PGM5: variants seen among roughly 807,000 people sequenced by gnomAD.
PGM5 encodes the protein phosphoglucomutase-like protein 5.
Under a neutral mutation model 59.2 loss-of-function variants are expected in PGM5, and 23 were observed. That is an observed-to-expected ratio of 0.39 (90% CI 0.28 to 0.55). The LOEUF is 0.55. Ranked by LOEUF, PGM5 falls within the 20% of genes least tolerant of loss-of-function variation. The pLI, the probability that PGM5 is intolerant of heterozygous loss-of-function variation, is 0.66. For missense variants in PGM5, 574 were observed against 748.3 expected, an observed-to-expected ratio of 0.77 and a Z score of 2.72; for synonymous variants, 214 against 286.0, an observed-to-expected ratio of 0.75 and a Z score of 2.54.
chr9:68,482,979 G>T (rs543439306), intron 8 of PGM5, among the ~76,000 whole-genome samples: 1 of 152,104 alleles, frequency 6.6e-6, no homozygotes, highest in East Asian at 1.9e-4. Flanking sequence ...GGACTTTTTT[G>T]AATGGAACAA....
At chr9:68,483,699 A>T (rs1270185836) in intron 8 of PGM5, among the ~76,000 whole-genome samples, 166 bp from the exon 9 acceptor site, 1 of 152,196 alleles carries the variant, frequency 6.6e-6, no homozygotes, top group Non-Finnish European at 1.5e-5. Flanking sequence ...TGGCCGCTGT[A>T]TGGGGAATGG....
intron 1 of PGM5, among the ~76,000 whole-genome samples, chr9:68,374,137 A>G (rs1411271592): frequency 6.6e-6 from 1 of 152,288 alleles, no homozygotes; most frequent in Non-Finnish European, 1.5e-5. Flanking sequence ...CTGCTATCCC[A>G]GTCTGTCACC....
intron 6 of PGM5, among the ~76,000 whole-genome samples, chr9:68,412,445 C>T (rs1439351502): frequency 9.2e-5 from 14 of 152,234 alleles, no homozygotes; most frequent in Admixed American, 4.6e-4. Flanking sequence ...ATATTTCCTA[C>T]ATTCCCATTT....
At chr9:68,523,782 A>G (rs1283096191) in intron 10 of PGM5, among the ~76,000 whole-genome samples, 1 of 152,210 alleles carries the variant, frequency 6.6e-6, no homozygotes, top group Non-Finnish European at 1.5e-5. Flanking sequence ...GTACAAATGC[A>G]CATTCCTCAT....
At chr9:68,502,786 T>C (rs537038711) in intron 10 of PGM5, among the ~76,000 whole-genome samples, 6 of 152,262 alleles carry the variant, frequency 3.9e-5, no homozygotes, top group African/African-American at 1.4e-4. Context: ...ACCTCTTGGA[T>C]TCAAGGGATT....
At chr9:68,396,296 A>T (rs1466890044) in intron 6 of PGM5, 1 of 152,224 alleles carries the variant, frequency 6.6e-6, no homozygotes, top group Admixed American at 6.5e-5. Context: ...ATTTGAAACT[A>T]GGTCTTCTGA....
chr9:68,514,944 C>G (rs1307091628), intron 10 of PGM5, among the ~76,000 whole-genome samples: 1 of 152,104 alleles, frequency 6.6e-6, no homozygotes, highest in Non-Finnish European at 1.5e-5. Flanking sequence ...CCATAGAAAC[C>G]CTTTCTCAAT....
At chr9:68,382,180 C>T (rs1822095529) in intron 2 of PGM5, among the ~76,000 whole-genome samples, 1 of 151,398 alleles carries the variant, frequency 6.6e-6, no homozygotes, top group African/African-American at 2.4e-5. Flanking sequence ...GAAACATAGA[C>T]CAAGGGAACA....
chr9:68,496,592 T>A (rs910467392), intron 9 of PGM5, among the ~76,000 whole-genome samples: 7 of 152,210 alleles, frequency 4.6e-5, no homozygotes, highest in Non-Finnish European at 7.3e-5. Context: ...AAGTGAGAAA[T>A]CTATTCCAGG....
At chr9:68,386,607 G>A (rs263790) in intron 3 of PGM5, among the ~76,000 whole-genome samples, 1,807 of 152,086 alleles carry the variant, frequency 0.012, 30 homozygotes, top group African/African-American at 0.041. Context: ...GTATGTATTT[G>A]AAAAATCTGA....
chr9:68,515,910 A>T (rs1461238502), intron 10 of PGM5, among the ~76,000 whole-genome samples: 4 of 152,184 alleles, frequency 2.6e-5, no homozygotes, highest in African/African-American at 7.2e-5. Context: ...TCTGTCTTCA[A>T]TGATGATGAT....
In PGM5 at chr9:68,497,277, A is replaced by G. The variant is rs551971590; in HGVS notation, c.1480-1950A>G. ...GGACAACTATTGTGTCTTTATATTC[A>G]TATACCCAGGATTTAGCACAGTGCC... On this transcript the variant is annotated intron_variant, in intron 9 of 10. Transcript: ENST00000396396. 2.0e-5 allele frequency: 3 copies of G among 152,338 alleles called. No individual in the cohort carries two copies. In the South Asian group the frequency reaches 6.2e-4, roughly 32 times the overall value. 9.4% of individuals were successfully genotyped at this position (152,338 alleles called of 1,614,324 possible).
intron 10 of PGM5, among the ~76,000 whole-genome samples, chr9:68,505,470 G>A (rs1159112304): frequency 6.6e-6 from 1 of 152,164 alleles, no homozygotes; most frequent in African/African-American, 2.4e-5. Context: ...GGGTGCACAG[G>A]CTACCCACAT....
rs374333316 is a variant in PGM5, at chr9:68,499,228, G to A, written c.1481G>A (p.Gly494Asp). 34 of 1,614,026 alleles carry A rather than the reference G, an allele frequency of 2.1e-5. No individual in the cohort carries two copies. Among genetic ancestry groups the A allele is most frequent in the African/African-American group, 2.7e-5 (2 of 74,918 alleles). Residue 494 changes from glycine (G) to aspartate (D), a missense_variant and splice_region_variant, in exon 10 of 11, where the codon GGC (glycine) becomes GAC (aspartate). Around this residue, in one of 7 missense-constraint regions of PGM5, gnomAD observed 300 missense variants for 280.0 expected, o/e 1.07. Transcript: ENST00000396396. ...CATTCTGGATGTTCTTGGTCTCAGG[G>A]CCTAAGGATCATTTTCTCGGATGCA... ...PVDGTVTKKQ[G>D]LRIIFSDASR... is the part of the protein sequence containing the mutation.
At chr9:68,528,185 A>G (rs1426083466) in intron 10 of PGM5, among the ~76,000 whole-genome samples, 1 of 152,096 alleles carries the variant, frequency 6.6e-6, no homozygotes, top group African/African-American at 2.4e-5. Flanking sequence ...ATATTACCCA[A>G]ACTTCTTTTC....
chr9:68,513,717 T>C (rs188593256), intron 10 of PGM5, among the ~76,000 whole-genome samples: 1 of 152,362 alleles, frequency 6.6e-6, no homozygotes, highest in Admixed American at 6.5e-5. Context: ...GTTTTTATTC[T>C]TTCTTTCTTT....
chr9:68,517,243 A>G (rs1824837727), intron 10 of PGM5, among the ~76,000 whole-genome samples: 1 of 152,094 alleles, frequency 6.6e-6, no homozygotes, highest in Non-Finnish European at 1.5e-5. Flanking sequence ...ATCTCAGGGC[A>G]TAGGCATAAT....
intron 7 of PGM5, among the ~76,000 whole-genome samples, chr9:68,474,851 T>C (rs1326195672): frequency 6.7e-6 from 1 of 150,368 alleles, no homozygotes; most frequent in Non-Finnish European, 1.5e-5. Flanking sequence ...ACACTCACTC[T>C]CAAGCCATAA....
chr9:68,493,766 A>G (rs535415987), intron 9 of PGM5, among the ~76,000 whole-genome samples: 2 of 152,366 alleles, frequency 1.3e-5, no homozygotes, highest in African/African-American at 4.8e-5. Context: ...CTATTCTTGT[A>G]TCATTTCCAA....
Sources: allele counts gnomAD v4.1 joint callset (sites outside exome capture counted in the v4.1 genomes callset), GRCh38; gene constraint gnomAD v4.1.1; regional missense constraint gnomAD v4.1.1; transcripts MANE v1.5; gene names NCBI Gene and HGNC (gene_info 2026-07-23, HGNC 2026-07-21).